The following CYRIB variants were observed in gnomAD, a reference collection of about 807,000 sequenced individuals.
CYRIB encodes the protein CYFIP related Rac1 interactor B, also known as CYFIP-related Rac1 interactor B.
CYRIB carries 8 observed loss-of-function variants against 44.2 expected under a neutral mutation model. That is an observed-to-expected ratio of 0.18 (90% CI 0.11 to 0.33). The LOEUF is 0.33. Ranked by LOEUF, CYRIB falls within the 10% of genes least tolerant of loss-of-function variation. The pLI, the probability that CYRIB is intolerant of heterozygous loss-of-function variation, is 1.00. For missense variants in CYRIB, 185 were observed against 382.8 expected (o/e 0.48, Z 4.31); for synonymous variants, 131 against 127.2 (o/e 1.03, Z -0.20).
At chr8:129,875,036 A>C (rs2058636880) in intron 3 of CYRIB, among the ~76,000 whole-genome samples, 1 of 152,196 alleles carries the variant, frequency 6.6e-6, no homozygotes, top group African/African-American at 2.4e-5. Flanking sequence ...GTCAAGTTTA[A>C]AAAATACTTA....
intron 1 of CYRIB, among the ~76,000 whole-genome samples, chr8:129,997,573 T>C (rs1441820875): frequency 6.6e-6 from 1 of 152,224 alleles, no homozygotes; most frequent in Non-Finnish European, 1.5e-5. Flanking sequence ...GTGCAGGGCC[T>C]GAGCTTCCAG....
At chr8:129,995,972 C>T (rs2096755328) in intron 1 of CYRIB, among the ~76,000 whole-genome samples, 1 of 152,236 alleles carries the variant, frequency 6.6e-6, no homozygotes, top group Non-Finnish European at 1.5e-5. Context: ...TTGGGCAGAC[C>T]TTAGCTCTTG....
In CYRIB at chr8:129,924,314, G is replaced by GGGA. The variant is rs1260046724; in HGVS notation, c.-50+15293_-50+15294insTCC. Among the ~76,000 whole-genome samples, 62 of 34,942 alleles carry GGGA rather than the reference G, an allele frequency of 1.8e-3. 6 individuals carry two copies. Among genetic ancestry groups the GGGA allele is most frequent in the East Asian group, 2.1e-3 (2 of 968 alleles). The allele number at this position is 34,942 out of a possible 152,430, so 22.9% of individuals were successfully genotyped here. A position where few individuals can be genotyped will look rare whatever the true frequency, so the allele number is the denominator to read the frequency against. ...ACCGGGGGGGGGGGGGGTGGCGGGG[G>GGGA]GGGTGTTACTTACCTCACATCAGTG... On this transcript the variant is annotated intron_variant, in intron 1 of 11. Coordinates refer to ENST00000519824, the Ensembl canonical transcript of CYRIB.
At chr8:129,896,423 T>A (rs1340858762) in intron 2 of CYRIB, among the ~76,000 whole-genome samples, 5 of 152,232 alleles carry the variant, frequency 3.3e-5, no homozygotes, top group Non-Finnish European at 7.3e-5. Context: ...GGTTTACTGC[T>A]AAAACATTAA....
chr8:129,930,198 G>A (rs1243408663), intron 1 of CYRIB, among the ~76,000 whole-genome samples: 1 of 150,830 alleles, frequency 6.6e-6, no homozygotes, highest in Non-Finnish European at 1.5e-5. Context: ...GTGACAGAGC[G>A]AGACTCTGTC....
rs367661695 is a variant in CYRIB at position 130,003,098 on chromosome 8, T to C, written c.-296+13272A>G. The stretch of plus-strand genomic sequence containing the variant: ...GGAACCACTGCTGTTCCCAATTGAA[T>C]TGAAAACTGAGGTACTCGGGAGGCT... On this transcript the variant is annotated intron_variant, in intron 1 of 14. Coordinates refer to the CYRIB transcript ENST00000401979. 9.3e-4 allele frequency among the ~76,000 whole-genome samples: 142 copies of C among 152,288 alleles called. 1 individual carries two copies. The highest frequency in any genetic ancestry group is 3.2e-3 in the African/African-American group (133 of 41,568).
chr8:129,931,561 C>T lies in CYRIB; in HGVS notation c.-50+8047G>A, dbSNP rs1263339010. Among the ~76,000 whole-genome samples, 10 of 152,092 alleles carry T rather than the reference C, an allele frequency of 6.6e-5. 1 individual carries two copies. The highest frequency in any genetic ancestry group is 5.2e-4 in the Admixed American group (8 of 15,256). ...CCAAGGTCATTACATATAACTTTGC[C>T]CTCAAAAACAGATTAAAAAATGAAC... On this transcript the variant is annotated intron_variant, in intron 1 of 11. Coordinates refer to ENST00000519824, the Ensembl canonical transcript of CYRIB.
chr8:129,998,792 C>A (rs181933023), intron 1 of CYRIB, among the ~76,000 whole-genome samples: 2 of 152,108 alleles, frequency 1.3e-5, no homozygotes, highest in Non-Finnish European at 2.9e-5. Context: ...CCACCCCACC[C>A]GGCTAATTTT....
chr8:130,003,484 G>T (rs932694192), intron 1 of CYRIB, among the ~76,000 whole-genome samples: 1 of 152,182 alleles, frequency 6.6e-6, no homozygotes, highest in African/African-American at 2.4e-5. Flanking sequence ...GACACCTGTT[G>T]GGTTTTCTCT....
At chr8:129,846,518 C>A (rs1380870510) in intron 11 of CYRIB, among the ~76,000 whole-genome samples, 1 of 152,054 alleles carries the variant, frequency 6.6e-6, no homozygotes, top group Non-Finnish European at 1.5e-5. Flanking sequence ...ACTTTTATTA[C>A]AAAAACAAGC....
At chr8:129,958,250 G>C (rs528285004) in intron 2 of CYRIB, among the ~76,000 whole-genome samples, 1 of 151,604 alleles carries the variant, frequency 6.6e-6, no homozygotes, top group African/African-American at 2.4e-5. Context: ...GAAGAAAAAA[G>C]AGCCTTTCCA....
rs187909018 is a variant in CYRIB, at chr8:129,988,393, C to T, written c.-295-17398G>A. Among the ~76,000 whole-genome samples, 364 of 152,296 alleles carry T rather than the reference C, an allele frequency of 2.4e-3. 2 individuals are homozygous for T. The highest frequency in any genetic ancestry group is 8.6e-3 in the African/African-American group (357 of 41,562). Reference sequence around the variant, plus strand: ...CAGGCCCCGGGGAGAATCTTACACTCAGGAACCCTCTAATTCAGCCACGTG... The same window carrying T: ...CAGGCCCCGGGGAGAATCTTACACTTAGGAACCCTCTAATTCAGCCACGTG... On this transcript the variant is annotated intron_variant, in intron 1 of 14. Transcript: ENST00000401979.
intron 1 of CYRIB, among the ~76,000 whole-genome samples, chr8:129,912,828 A>C (rs2078722293): frequency 6.6e-6 from 1 of 152,064 alleles, no homozygotes; most frequent in Admixed American, 6.6e-5. Flanking sequence ...TGAATTCCTA[A>C]TCTGTGTGTC....
intron 2 of CYRIB, among the ~76,000 whole-genome samples, chr8:129,970,199 C>G (rs755768120): frequency 6.6e-6 from 1 of 152,110 alleles, no homozygotes; most frequent in Non-Finnish European, 1.5e-5. Flanking sequence ...AGCACGCCTA[C>G]GTAGAAATGG....
chr8:129,927,753 A>T (rs2088765034), intron 1 of CYRIB, among the ~76,000 whole-genome samples: 1 of 152,228 alleles, frequency 6.6e-6, no homozygotes, highest in Non-Finnish European at 1.5e-5. Context: ...TCATTATTAA[A>T]ATACAGTATG....
At chr8:129,842,363 T>G (rs2036805536) in intron 11 of CYRIB, among the ~76,000 whole-genome samples, 158 bp from the exon 14 acceptor site, 1 of 152,242 alleles carries the variant, frequency 6.6e-6, no homozygotes. Flanking sequence ...CTGCACAGCC[T>G]GTCATCCTCA....
chr8:129,998,354 G>A (rs537004566), intron 1 of CYRIB, among the ~76,000 whole-genome samples: 40 of 152,152 alleles, frequency 2.6e-4, no homozygotes, highest in Non-Finnish European at 4.3e-4. Flanking sequence ...ATTTGAACAT[G>A]AGTGGCAAAG....
At chr8:129,970,976 C>T (rs935812971) in exon 2 of CYRIB, 3 of 152,162 alleles carry the variant, frequency 2.0e-5, no homozygotes, top group Admixed American at 6.5e-5. Context: ...TAATCAAATT[C>T]CAGGCCTCAG....
At chr8:129,937,526 C>T (rs1263765802) in intron 1 of CYRIB, among the ~76,000 whole-genome samples, 1 of 152,150 alleles carries the variant, frequency 6.6e-6, no homozygotes, top group African/African-American at 2.4e-5. Context: ...TTTTTAAAAC[C>T]CGTTTATTCC....
Sources: allele counts gnomAD v4.1 joint callset (sites outside exome capture counted in the v4.1 genomes callset), GRCh38; gene constraint gnomAD v4.1.1; transcripts MANE v1.5; gene names NCBI Gene and HGNC (gene_info 2026-07-23, HGNC 2026-07-21).